The following CCDC171 variants were observed in gnomAD, a reference collection of about 807,000 sequenced individuals.
CCDC171 encodes the protein coiled-coil domain-containing protein 171.
CCDC171 carries 177 observed loss-of-function variants against 168.2 expected under a neutral mutation model. The ratio of observed to expected loss-of-function variants is 1.05; its 90% CI spans 0.93 to 1.19. The LOEUF is 1.19. CCDC171 is among the 50% of genes most tolerant of loss of function. CCDC171 has a pLI of 0.00. For synonymous variants in CCDC171, 687 were observed against 540.8 expected, an observed-to-expected ratio of 1.27 and a Z score of -3.75; for missense variants, 1,991 against 1,539.0, an observed-to-expected ratio of 1.29 and a Z score of -4.91.
Position 15,666,195 on chromosome 9 carries a change from A to G in CCDC171, c.948A>G (p.Gln316=), listed in dbSNP as rs372889968. The G allele has an allele frequency of 1.5e-5, 24 of 1,613,752 alleles. No individual in the cohort carries two copies. Among genetic ancestry groups the G allele is most frequent in the African/African-American group, 1.1e-4 (8 of 74,900 alleles). ...TTCGAGACCTTGAAGGAGCTTTGCA[A>G]GTAGAGAAGGCCAGTCAAGCAGAAG... The part of the protein sequence containing the change: ...LRIRDLEGAL[Q]VEKASQAEAV... The change falls in exon 9 of 26, where the codon CAA becomes CAG. Residue 316 remains glutamine, a synonymous_variant. Coordinates refer to ENST00000380701, the MANE Select transcript of CCDC171 (RefSeq NM_173550.4).
chr9:15,632,624 C>A (rs1388324219), intron 7 of CCDC171, among the ~76,000 whole-genome samples: 1 of 152,022 alleles, frequency 6.6e-6, no homozygotes, highest in Non-Finnish European at 1.5e-5. Context: ...TCAATGCCAT[C>A]CCCATCAAGC....
At chr9:15,590,901 GAGGAGGTCTCC>G (rs1176999234) in intron 4 of CCDC171, among the ~76,000 whole-genome samples, 6 of 143,024 alleles carry the variant, frequency 4.2e-5, no homozygotes, top group Non-Finnish European at 6.0e-5. Context: ...TTAAATCTGA[GAGGAGGTCTCC>G]CTATGTTGTT....
At chr9:15,880,559 C>T (rs1244147859) in intron 24 of CCDC171, among the ~76,000 whole-genome samples, 1 of 150,204 alleles carries the variant, frequency 6.7e-6, no homozygotes, top group Non-Finnish European at 1.5e-5. Context: ...CGGGTTCAAG[C>T]GAATTTCCTG....
At chr9:15,750,062 A>C (rs1200989559) in intron 18 of CCDC171, among the ~76,000 whole-genome samples, 9 of 152,074 alleles carry the variant, frequency 5.9e-5, no homozygotes, top group Non-Finnish European at 1.3e-4. Context: ...AAAGATCAAC[A>C]AAATAGACTG....
At chr9:15,770,890 C>T (rs1481442164) in intron 18 of CCDC171, among the ~76,000 whole-genome samples, 5 of 152,144 alleles carry the variant, frequency 3.3e-5, no homozygotes, top group South Asian at 2.1e-4. Flanking sequence ...ATGATCTCTA[C>T]GAGTATCCCA....
intron 3 of CCDC171, among the ~76,000 whole-genome samples, chr9:15,990,425 G>A (rs991644522): frequency 6.6e-6 from 1 of 152,166 alleles, no homozygotes; most frequent in African/African-American, 2.4e-5. Context: ...CCTGAAGGAA[G>A]CACTAAACAT....
At chr9:15,722,969 T>C (rs1048665605) in intron 12 of CCDC171, among the ~76,000 whole-genome samples, 1 of 152,084 alleles carries the variant, frequency 6.6e-6, no homozygotes, top group Non-Finnish European at 1.5e-5. Context: ...CAGCGAATTG[T>C]TATTTGGGAG....
At chr9:15,653,966 T>G (rs2047727269) in intron 7 of CCDC171, among the ~76,000 whole-genome samples, 1 of 152,140 alleles carries the variant, frequency 6.6e-6, no homozygotes, top group Non-Finnish European at 1.5e-5. Context: ...TAATAATTCC[T>G]TAGTTACATC....
At chr9:16,014,729 A>G (rs1425261304) in intron 3 of CCDC171, among the ~76,000 whole-genome samples, 2 of 152,198 alleles carry the variant, frequency 1.3e-5, no homozygotes, top group Non-Finnish European at 2.9e-5. Context: ...GACTAGGTGC[A>G]TTGTCAATAA....
intron 6 of CCDC171, among the ~76,000 whole-genome samples, chr9:15,608,988 A>T (rs3122703): frequency 0.52 from 69,800 of 134,188 alleles, 17,843 homozygotes; most frequent in East Asian, 0.75. Context: ...GTTTTTTTTT[A>T]AAAAATATAT....
chr9:15,772,818 A>T (rs2057083738), intron 18 of CCDC171, among the ~76,000 whole-genome samples: 1 of 152,156 alleles, frequency 6.6e-6, no homozygotes, highest in Non-Finnish European at 1.5e-5. Context: ...CGTCTTAGAT[A>T]TGGCCATGAC....
chr9:16,105,645 C>G, the CCDC171 span, among the ~76,000 whole-genome samples: 1 of 152,134 alleles, frequency 6.6e-6, no homozygotes, highest in Non-Finnish European at 1.5e-5. Flanking sequence ...AATAGAAAAC[C>G]ATTCTGTAAA....
At chr9:15,698,512 C>A (rs564135806) in intron 11 of CCDC171, among the ~76,000 whole-genome samples, 1 of 105,820 alleles carries the variant, frequency 9.5e-6, no homozygotes, top group African/African-American at 3.8e-5. Flanking sequence ...CAGAGCAAGA[C>A]CCCGTCTCAA....
At chr9:15,894,825 A>G (rs1245177857) in intron 24 of CCDC171, among the ~76,000 whole-genome samples, 1 of 152,116 alleles carries the variant, frequency 6.6e-6, no homozygotes, top group African/African-American at 2.4e-5. Context: ...TTCTCCCTGC[A>G]TATTTTATAG....
At chr9:15,967,395 A>G (rs369389529) in intron 25 of CCDC171, among the ~76,000 whole-genome samples, 1 of 152,362 alleles carries the variant, frequency 6.6e-6, no homozygotes, top group East Asian at 1.9e-4. Context: ...ATGAAGCCAC[A>G]TCATCTAAAT....
At chr9:15,646,367 C>T (rs1268368088) in intron 7 of CCDC171, among the ~76,000 whole-genome samples, 5 of 152,158 alleles carry the variant, frequency 3.3e-5, no homozygotes, top group African/African-American at 1.2e-4. Context: ...AACCAGCTAA[C>T]ATCATAATGA....
At chr9:15,984,474 A>G (rs1831919644) in intron 3 of CCDC171, among the ~76,000 whole-genome samples, 2 of 136,752 alleles carry the variant, frequency 1.5e-5, no homozygotes, top group Non-Finnish European at 3.2e-5. Flanking sequence ...ATGTATATAC[A>G]TATATATGTC....
chr9:15,816,089 G>A (rs2059551898), intron 21 of CCDC171, among the ~76,000 whole-genome samples: 1 of 117,454 alleles, frequency 8.5e-6, no homozygotes, highest in African/African-American at 3.2e-5. Flanking sequence ...TTATTATGAT[G>A]TCCTATTATG....
Position 15,700,222 on chromosome 9 carries a change from A to C in CCDC171, c.1318+4885A>C, listed in dbSNP as rs531485500. On this transcript the variant is annotated intron_variant, in intron 11 of 25. Coordinates refer to ENST00000380701, the MANE Select transcript of CCDC171 (RefSeq NM_173550.4). Reference sequence around the variant, plus strand: ...GCTAAGGCCCGGTGAGAAATCGAGCACAGCGCCGGTGGGCTGGCACTGCTG... The same window carrying C: ...GCTAAGGCCCGGTGAGAAATCGAGCCCAGCGCCGGTGGGCTGGCACTGCTG... Among the ~76,000 whole-genome samples, 4 of 152,342 alleles carry C rather than the reference A, an allele frequency of 2.6e-5. No homozygotes were observed. The East Asian group carries it at 7.7e-4, about 29-fold the overall frequency.
Sources: gnomAD v4.1 joint callset for allele counts (sites outside exome capture counted in the v4.1 genomes callset) on GRCh38, gnomAD v4.1.1 for gene constraint, MANE v1.5 for transcripts, NCBI Gene and HGNC (gene_info 2026-07-23, HGNC 2026-07-21) for gene names.